GPC6: variants seen among roughly 807,000 people sequenced by gnomAD.
The protein encoded by GPC6 is glypican 6.
Under a neutral mutation model 55.2 loss-of-function variants are expected in GPC6, and 14 were observed. The ratio of observed to expected loss-of-function variants is 0.25; its 90% CI spans 0.17 to 0.40. The LOEUF (loss-of-function observed/expected upper bound fraction) is 0.40, where lower values mean the gene tolerates loss of function less well. Among genes scored for constraint, GPC6 ranks in the 10% least tolerant of loss-of-function variants. GPC6 has a pLI of 1.00. For synonymous variants in GPC6, 278 were observed against 259.6 expected (o/e 1.07, Z -0.68); for missense variants, 641 against 708.5 (o/e 0.90, Z 1.08).
chr13:94,200,157 A>T (rs1889706263), intron 4 of GPC6, among the ~76,000 whole-genome samples: 1 of 58,644 alleles, frequency 1.7e-5, no homozygotes. Flanking sequence ...ACTCTGTCTA[A>T]AAAAAAAAAA....
intron 2 of GPC6, among the ~76,000 whole-genome samples, chr13:93,804,530 A>T (rs1202019546): frequency 1.3e-5 from 2 of 152,198 alleles, no homozygotes; most frequent in African/African-American, 4.8e-5. Context: ...TTAATTCTAT[A>T]ATCCTAAACT....
At chr13:93,254,573 G>A (rs901190091) in intron 1 of GPC6, among the ~76,000 whole-genome samples, 2 of 151,996 alleles carry the variant, frequency 1.3e-5, no homozygotes, top group African/African-American at 4.8e-5. Flanking sequence ...GCATTTTTTT[G>A]TGCCCTTCAA....
At chr13:94,328,504 G>A (rs989770926) in intron 6 of GPC6, among the ~76,000 whole-genome samples, 2 of 152,174 alleles carry the variant, frequency 1.3e-5, no homozygotes, top group Admixed American at 6.5e-5. Flanking sequence ...CTTTCTGGCT[G>A]TTCTGTCGCT....
intron 1 of GPC6, among the ~76,000 whole-genome samples, chr13:93,354,354 T>TTTTTTTG (rs1555293313): frequency 5.0e-5 from 7 of 138,776 alleles, no homozygotes; most frequent in East Asian, 4.6e-4. Flanking sequence ...GGTAGATTTT[T>TTTTTTTG]TTTTTTTTTT....
At chr13:94,264,678 T>C (rs912345478) in intron 4 of GPC6, among the ~76,000 whole-genome samples, 2 of 152,174 alleles carry the variant, frequency 1.3e-5, no homozygotes, top group African/African-American at 4.8e-5. Flanking sequence ...TCCAAATCCA[T>C]GGTAAAATTT....
intron 4 of GPC6, among the ~76,000 whole-genome samples, chr13:94,143,003 A>G (rs1444196174): frequency 6.6e-6 from 1 of 151,670 alleles, no homozygotes; most frequent in Non-Finnish European, 1.5e-5. Flanking sequence ...TAATTTTTGT[A>G]TTTTTAGTAG....
At chr13:93,654,184 T>G (rs980664610) in intron 2 of GPC6, among the ~76,000 whole-genome samples, 1 of 152,204 alleles carries the variant, frequency 6.6e-6, no homozygotes, top group Non-Finnish European at 1.5e-5. Flanking sequence ...TTTCTTTTCC[T>G]TATAGTTCTC....
At chr13:93,881,363 C>A (rs1874964242) in intron 3 of GPC6, among the ~76,000 whole-genome samples, 1 of 152,060 alleles carries the variant, frequency 6.6e-6, no homozygotes. Context: ...TAATGAGTAG[C>A]CTTCTTTCCC....
rs759807551 is a variant in GPC6 at position 94,306,031 on chromosome 13, C to T, written c.1060C>T (p.Arg354Cys). The change falls in exon 6 of 9, where the codon CGC becomes TGC. Residue 354 changes from arginine (R) to cysteine (C), a missense_variant. Transcript: ENST00000377047. Reference sequence around the variant, plus strand: ...ACCTGCTCCAGCCCTCAGATCTGCCCGCTCAGCTCCTGAAAATTTTAATAC... The same window carrying T: ...ACCTGCTCCAGCCCTCAGATCTGCCTGCTCAGCTCCTGAAAATTTTAATAC... ...PKPAPALRSARSAPENFNTRF... is the reference protein window; with the variant it reads ...PKPAPALRSACSAPENFNTRF... 21 of 1,614,106 alleles carry T rather than the reference C, an allele frequency of 1.3e-5. 1 individual carries two copies. Among genetic ancestry groups the T allele is most frequent in the South Asian group, 5.5e-5 (5 of 91,084 alleles).
chr13:93,287,369 G>A (rs931784078), intron 1 of GPC6, among the ~76,000 whole-genome samples: 1 of 152,190 alleles, frequency 6.6e-6, no homozygotes, highest in Non-Finnish European at 1.5e-5. Context: ...TGGCCACCAA[G>A]GAGTGTGAAA....
chr13:93,225,511 T>G (rs1341716184), upstream of GPC6, among the ~76,000 whole-genome samples: 2 of 91,664 alleles, frequency 2.2e-5, no homozygotes, highest in African/African-American at 7.6e-5. Context: ...TTGTTTTGTT[T>G]TTTTTTTTTT....
chr13:93,423,612 T>A (rs1214980345), intron 1 of GPC6, among the ~76,000 whole-genome samples: 1 of 152,178 alleles, frequency 6.6e-6, no homozygotes, highest in Non-Finnish European at 1.5e-5. Context: ...TTATTGTAGT[T>A]GGACTTGATC....
intron 2 of GPC6, among the ~76,000 whole-genome samples, chr13:93,671,104 A>G (rs989280987): frequency 4.6e-5 from 7 of 152,122 alleles, no homozygotes; most frequent in African/African-American, 1.7e-4. Context: ...AGTCTGTGCC[A>G]TGAACAACTA....
Position 93,874,601 on chromosome 13 carries a change from C to A in GPC6, c.711+44056C>A, listed in dbSNP as rs186326648. On this transcript the variant is annotated intron_variant, in intron 3 of 8. Coordinates refer to ENST00000377047, the MANE Select transcript of GPC6 (RefSeq NM_005708.5). ...CACTTCTTACCAGGGCATACCAGAT[C>A]CTACCTCATGGAGCCCTACCGTAAC... Among the ~76,000 whole-genome samples, 26 of 149,960 alleles carry A rather than the reference C, an allele frequency of 1.7e-4. No individual in the cohort carries two copies. The East Asian group carries it at 3.0e-3, about 17-fold the overall frequency.
At chr13:93,896,090 C>T (rs1875997234) in intron 3 of GPC6, among the ~76,000 whole-genome samples, 1 of 151,986 alleles carries the variant, frequency 6.6e-6, no homozygotes, top group African/African-American at 2.4e-5. Context: ...GAGGTGATAG[C>T]TACCCTAATT....
chr13:93,816,767 T>C (rs928714381), intron 2 of GPC6, among the ~76,000 whole-genome samples: 4 of 152,192 alleles, frequency 2.6e-5, no homozygotes, highest in Non-Finnish European at 5.9e-5. Context: ...CAATTGTAAA[T>C]CGTTATTATA....
intron 1 of GPC6, among the ~76,000 whole-genome samples, chr13:93,464,248 C>T (rs575182491): frequency 6.6e-6 from 1 of 152,242 alleles, no homozygotes; most frequent in East Asian, 1.9e-4. Flanking sequence ...GTGAATGTGA[C>T]AATTGCCTTA....
chr13:93,751,960 C>A, intron 2 of GPC6, among the ~76,000 whole-genome samples: 1 of 152,058 alleles, frequency 6.6e-6, no homozygotes, highest in Non-Finnish European at 1.5e-5. Context: ...GCTTGACATG[C>A]CCTTTAATAA....
At chr13:94,036,696 G>A (rs898836277) in intron 4 of GPC6, among the ~76,000 whole-genome samples, 2 of 152,018 alleles carry the variant, frequency 1.3e-5, no homozygotes, top group African/African-American at 2.4e-5. Context: ...AGCTGGTAGA[G>A]TTTTCAGACT....
Sources: gnomAD v4.1 joint callset for allele counts (sites outside exome capture counted in the v4.1 genomes callset) on GRCh38, gnomAD v4.1.1 for gene constraint, MANE v1.5 for transcripts, NCBI Gene and HGNC (gene_info 2026-07-23, HGNC 2026-07-21) for gene names.